H4C3: variants seen among roughly 807,000 people sequenced by gnomAD.
H4C3 encodes histone H4.
Under a neutral mutation model 5.3 loss-of-function variants are expected in H4C3, and 10 were observed. The ratio of observed to expected loss-of-function variants is 1.87; its 90% CI spans 1.16 to 3.18. The LOEUF (loss-of-function observed/expected upper bound fraction) is 3.18. Ranked by LOEUF, H4C3 falls within the 30% of genes most tolerant of loss-of-function variation. H4C3 has a pLI of 0.00. For missense variants in H4C3, 191 were observed against 152.5 expected (o/e 1.25, Z -1.33); for synonymous variants, 133 against 56.8 (o/e 2.34, Z -6.03).
rs1763197227 is a variant in H4C3, at chr6:26,104,138, A to ACGTTATTC, written c.191_192insCGTTATTC (p.Glu64AspfsTer27). On this transcript the variant is annotated frameshift_variant, in exon 1 of 1. Coordinates refer to ENST00000377803, the MANE Select transcript of H4C3 (RefSeq NM_003542.4). LOFTEE classifies it high-confidence loss of function. ...CGAGGTGTGCTTAAGGTTTTCTTAG[A>ACGTTATTC]GAACGTTATTCGAGACGCCGTCACC... 8 of 1,614,170 alleles carry ACGTTATTC rather than the reference A, an allele frequency of 5.0e-6. No homozygotes were observed. The highest frequency in any genetic ancestry group is 6.8e-6 in the Non-Finnish European group (8 of 1,180,038).
In H4C3 at chr6:26,104,000, G is replaced by C; in HGVS notation, c.53G>C (p.Arg18Pro). 1 of 1,613,994 alleles carries C rather than the reference G, an allele frequency of 6.2e-7. No individual in the cohort carries two copies. The highest frequency in any genetic ancestry group is 8.5e-7 in the Non-Finnish European group (1 of 1,179,870). Reference protein sequence around the residue: ...GKGLGKGGAKRHRKVLRDNIQ... With the variant: ...GKGLGKGGAKPHRKVLRDNIQ... ...GGCTTGGGGAAGGGTGGTGCTAAGCGCCATCGTAAGGTGCTCCGGGATAAC... is the reference window on the plus strand; with the variant it reads ...GGCTTGGGGAAGGGTGGTGCTAAGCCCCATCGTAAGGTGCTCCGGGATAAC... Residue 18 changes from arginine to proline, a missense_variant, in exon 1 of 1, where the codon CGC becomes CCC. Arg to Pro is a moderately radical substitution (Grantham distance 103). Transcript: ENST00000377803.
Position 26,104,006 on chromosome 6 carries a change from G to A in H4C3, c.59G>A (p.Arg20His). The A allele has an allele frequency of 1.2e-6, 2 of 1,614,166 alleles. No individual in the cohort carries two copies. The highest frequency in any genetic ancestry group is 2.2e-5 in the East Asian group (1 of 44,882). The change falls in exon 1 of 1, where the codon CGT becomes CAT. Residue 20 changes from arginine to histidine, a missense_variant. Physicochemically the swap from Arg to His is conservative, Grantham distance 29. Coordinates refer to ENST00000377803, the MANE Select transcript of H4C3 (RefSeq NM_003542.4). Reference sequence around the variant, plus strand: ...GGGAAGGGTGGTGCTAAGCGCCATCGTAAGGTGCTCCGGGATAACATCCAG... The same window carrying A: ...GGGAAGGGTGGTGCTAAGCGCCATCATAAGGTGCTCCGGGATAACATCCAG... The part of the protein sequence containing the change: ...GLGKGGAKRH[R>H]KVLRDNIQGI...
chr6:26,104,227 C>G lies in H4C3; in HGVS notation c.280C>G (p.Gln94Glu). ...GGATGTAGTATATGCCCTAAAACGT[C>G]AGGGGCGCACTCTGTATGGCTTCGG... ...AMDVVYALKR[Q>E]GRTLYGFGG is the part of the protein sequence containing the mutation. The change falls in exon 1 of 1, where the codon CAG (glutamine) becomes GAG (glutamate). Residue 94 changes from glutamine to glutamate, a missense_variant. Transcript: ENST00000377803. The G allele has an allele frequency of 6.2e-7, 1 of 1,607,940 alleles. No homozygotes were observed. Among genetic ancestry groups the G allele is most frequent in the Non-Finnish European group, 8.5e-7 (1 of 1,174,726 alleles).
Position 26,104,035 on chromosome 6 carries a change from A to T in H4C3, c.88A>T (p.Ile30Phe). The change falls in exon 1 of 1, where the codon ATT (isoleucine) becomes TTT (phenylalanine). Residue 30 changes from isoleucine to phenylalanine, a missense_variant. Ile to Phe is a conservative substitution (Grantham distance 21). Transcript: ENST00000377803. Reference sequence around the variant, plus strand: ...GGTGCTCCGGGATAACATCCAGGGCATTACAAAACCGGCTATTCGCCGTTT... The same window carrying T: ...GGTGCTCCGGGATAACATCCAGGGCTTTACAAAACCGGCTATTCGCCGTTT... ...RKVLRDNIQG[I>F]TKPAIRRLAR... 2 of 1,614,216 alleles carry T rather than the reference A, an allele frequency of 1.2e-6. No homozygotes were observed. Among genetic ancestry groups the T allele is most frequent in the African/African-American group, 1.3e-5 (1 of 75,060 alleles).
At position 26,104,176 on chromosome 6, in the gene H4C3, G is replaced by T. The variant is rs1297061490; in HGVS notation, c.229G>T (p.Ala77Ser). Reference sequence around the variant, plus strand: ...AGACGCCGTCACCTATACGGAGCACGCCAAGCGCAAAACTGTCACAGCCAT... The same window carrying T: ...AGACGCCGTCACCTATACGGAGCACTCCAAGCGCAAAACTGTCACAGCCAT... ...IRDAVTYTEH[A>S]KRKTVTAMDV... The change falls in exon 1 of 1, where the codon GCC becomes TCC. Residue 77 changes from alanine (A) to serine (S), a missense_variant. Transcript: ENST00000377803. 3 of 1,614,114 alleles carry T rather than the reference G, an allele frequency of 1.9e-6. No homozygotes were observed. The highest frequency in any genetic ancestry group is 2.5e-6 in the Non-Finnish European group (3 of 1,180,012).
In H4C3 at chr6:26,103,968, C is replaced by G; in HGVS notation, c.21C>G (p.Gly7=). 1 of 1,608,524 alleles carries G rather than the reference C, an allele frequency of 6.2e-7. No individual in the cohort carries two copies. The highest frequency in any genetic ancestry group is 8.5e-7 in the Non-Finnish European group (1 of 1,175,692). Residue 7 remains glycine, a synonymous_variant, in exon 1 of 1, where the codon GGC becomes GGG. Transcript: ENST00000377803. MSGRGK[G]GKGLGKGGAK... ...GAATCATGTCTGGTCGCGGCAAAGG[C>G]GGAAAAGGCTTGGGGAAGGGTGGTG... is the stretch of plus-strand genomic sequence containing the variant.
At position 26,104,163 on chromosome 6, in the gene H4C3, C is replaced by G. The variant is rs928653034; in HGVS notation, c.216C>G (p.Thr72=). 2 of 1,614,162 alleles carry G rather than the reference C, an allele frequency of 1.2e-6. No individual in the cohort carries two copies. Among genetic ancestry groups the G allele is most frequent in the Non-Finnish European group, 1.7e-6 (2 of 1,180,030 alleles). ...AGAACGTTATTCGAGACGCCGTCAC[C>G]TATACGGAGCACGCCAAGCGCAAAA... The part of the protein sequence containing the change: ...FLENVIRDAV[T]YTEHAKRKTV... The change falls in exon 1 of 1, where the codon ACC becomes ACG. Residue 72 remains threonine (T), a synonymous_variant. Coordinates refer to ENST00000377803, the MANE Select transcript of H4C3 (RefSeq NM_003542.4).
Position 26,104,195 on chromosome 6 carries a change from C to G in H4C3, c.248C>G (p.Thr83Arg), listed in dbSNP as rs200327357. Residue 83 changes from threonine (T) to arginine (R), a missense_variant, in exon 1 of 1, where the codon ACA becomes AGA. Transcript: ENST00000377803. The stretch of plus-strand genomic sequence containing the variant: ...GAGCACGCCAAGCGCAAAACTGTCA[C>G]AGCCATGGATGTAGTATATGCCCTA... ...YTEHAKRKTV[T>R]AMDVVYALKR... 3 of 1,614,160 alleles carry G rather than the reference C, an allele frequency of 1.9e-6. No individual in the cohort carries two copies. The highest frequency in any genetic ancestry group is 2.5e-6 in the Non-Finnish European group (3 of 1,180,018).
rs1362010939 is a variant in H4C3, at chr6:26,103,939, A to G, written c.-9A>G. On this transcript the variant is annotated 5_prime_UTR_variant, in exon 1 of 1. Transcript: ENST00000377803. The stretch of plus-strand genomic sequence containing the variant: ...GTTTCAGTTCATACCTTCCACTGCG[A>G]TAGGAATCATGTCTGGTCGCGGCAA... 3.8e-6 allele frequency: 6 copies of G among 1,596,040 alleles called. No homozygotes were observed. The highest frequency in any genetic ancestry group is 2.3e-5 in the East Asian group (1 of 44,384).
rs778987751 is a variant in H4C3 at position 26,104,150 on chromosome 6, G to A, written c.203G>A (p.Arg68Gln). ...AAGGTTTTCTTAGAGAACGTTATTCGAGACGCCGTCACCTATACGGAGCAC... is the reference window on the plus strand; with the variant it reads ...AAGGTTTTCTTAGAGAACGTTATTCAAGACGCCGTCACCTATACGGAGCAC... ...VLKVFLENVI[R>Q]DAVTYTEHAK... Residue 68 changes from arginine to glutamine, a missense_variant, in exon 1 of 1, where the codon CGA becomes CAA. By Grantham distance (43) the Arg-to-Gln change is conservative. Coordinates refer to ENST00000377803, the MANE Select transcript of H4C3 (RefSeq NM_003542.4). 5 of 1,614,114 alleles carry A rather than the reference G, an allele frequency of 3.1e-6. No homozygotes were observed. The highest frequency in any genetic ancestry group is 1.1e-5 in the South Asian group (1 of 91,076).
rs760318601 is a variant in H4C3, at chr6:26,104,025, C to T, written c.78C>T (p.Asn26=). ...AKRHRKVLRD[N]IQGITKPAIR... ...GCCATCGTAAGGTGCTCCGGGATAACATCCAGGGCATTACAAAACCGGCTA... is the reference window on the plus strand; with the variant it reads ...GCCATCGTAAGGTGCTCCGGGATAATATCCAGGGCATTACAAAACCGGCTA... The change falls in exon 1 of 1, where the codon AAC becomes AAT. Residue 26 remains asparagine (N), a synonymous_variant. Transcript: ENST00000377803. 13 of 1,614,026 alleles carry T rather than the reference C, an allele frequency of 8.1e-6. No homozygotes were observed. Among genetic ancestry groups the T allele is most frequent in the African/African-American group, 4.0e-5 (3 of 74,908 alleles).
At position 26,104,315 on chromosome 6, in the gene H4C3, A is replaced by G; in HGVS notation, c.*56A>G. On this transcript the variant is annotated 3_prime_UTR_variant, in exon 1 of 1. Transcript: ENST00000377803. ...CAAAAAACAAAAACAAAAAAACCCA[A>G]AGGCCCTTTTCAGGGCCGCTCACAA... The G allele has an allele frequency of 6.8e-7, 1 of 1,476,760 alleles. No individual in the cohort carries two copies. Among genetic ancestry groups the G allele is most frequent in the Non-Finnish European group, 9.1e-7 (1 of 1,098,528 alleles). 91.5% of individuals were successfully genotyped at this position (1,476,760 alleles called of 1,614,324 possible).
In H4C3 at chr6:26,104,204, A is replaced by G. The variant is rs1374684773; in HGVS notation, c.257A>G (p.Asp86Gly). The G allele has an allele frequency of 1.7e-5, 28 of 1,613,956 alleles. No homozygotes were observed. Among genetic ancestry groups the G allele is most frequent in the Non-Finnish European group, 2.4e-5 (28 of 1,179,976 alleles). Residue 86 changes from aspartate to glycine, a missense_variant, in exon 1 of 1, where the codon GAT (aspartate) becomes GGT (glycine). Physicochemically the swap from Asp to Gly is moderately conservative, Grantham distance 94. Coordinates refer to ENST00000377803, the MANE Select transcript of H4C3 (RefSeq NM_003542.4). ...HAKRKTVTAMDVVYALKRQGR... is the reference protein window; with the variant it reads ...HAKRKTVTAMGVVYALKRQGR... ...AAGCGCAAAACTGTCACAGCCATGG[A>G]TGTAGTATATGCCCTAAAACGTCAG...
At position 26,104,205 on chromosome 6, in the gene H4C3, T is replaced by C. The variant is rs1447957049; in HGVS notation, c.258T>C (p.Asp86=). 6.2e-7 allele frequency: 1 copy of C among 1,613,914 alleles called. No homozygotes were observed. The highest frequency in any genetic ancestry group is 1.3e-5 in the African/African-American group (1 of 74,874). Residue 86 remains aspartate, a synonymous_variant, in exon 1 of 1, where the codon GAT becomes GAC. Transcript: ENST00000377803. ...HAKRKTVTAM[D]VVYALKRQGR... The stretch of plus-strand genomic sequence containing the variant: ...AGCGCAAAACTGTCACAGCCATGGA[T>C]GTAGTATATGCCCTAAAACGTCAGG...
rs141888021 is a variant in H4C3, at chr6:26,104,133, C to T, written c.186C>T (p.Phe62=). The change falls in exon 1 of 1, where the codon TTC becomes TTT. Residue 62 remains phenylalanine, a synonymous_variant. Transcript: ENST00000377803. ...YEETRGVLKV[F]LENVIRDAVT... ...AGACTCGAGGTGTGCTTAAGGTTTT[C>T]TTAGAGAACGTTATTCGAGACGCCG... is the stretch of plus-strand genomic sequence containing the variant. 179 of 1,614,112 alleles carry T rather than the reference C, an allele frequency of 1.1e-4. 2 individuals carry two copies. Among genetic ancestry groups the T allele is most frequent in the African/African-American group, 2.3e-4 (17 of 75,014 alleles).
rs533320117 is a variant in H4C3, at chr6:26,104,100, C to T, written c.153C>T (p.Ile51=). The change falls in exon 1 of 1, where the codon ATC becomes ATT. Residue 51 remains isoleucine (I), a synonymous_variant. Transcript: ENST00000377803. Reference sequence around the variant, plus strand: ...GCGTCAAGCGCATTTCCGGTCTTATCTATGAGGAGACTCGAGGTGTGCTTA... The same window carrying T: ...GCGTCAAGCGCATTTCCGGTCTTATTTATGAGGAGACTCGAGGTGTGCTTA... ...RGGVKRISGL[I]YEETRGVLKV... The T allele has an allele frequency of 7.6e-5, 123 of 1,614,142 alleles. 1 individual carries two copies. In the South Asian group the frequency reaches 1.0e-3, roughly 13 times the overall value.
rs758943077 is a variant in H4C3 at position 26,104,157 on chromosome 6, C to T, written c.210C>T (p.Ala70=). 9.9e-6 allele frequency: 16 copies of T among 1,614,102 alleles called. No homozygotes were observed. The Admixed American group carries it at 1.7e-4, about 17-fold the overall frequency. The change falls in exon 1 of 1, where the codon GCC becomes GCT. Residue 70 remains alanine, a synonymous_variant. Coordinates refer to ENST00000377803, the MANE Select transcript of H4C3 (RefSeq NM_003542.4). ...KVFLENVIRD[A]VTYTEHAKRK... is the part of the protein sequence containing the mutation. ...TCTTAGAGAACGTTATTCGAGACGC[C>T]GTCACCTATACGGAGCACGCCAAGC...
In H4C3 at chr6:26,104,046, G is replaced by T. The variant is rs781503661; in HGVS notation, c.99G>T (p.Pro33=). 1 of 1,614,170 alleles carries T rather than the reference G, an allele frequency of 6.2e-7. No homozygotes were observed. Among genetic ancestry groups the T allele is most frequent in the Non-Finnish European group, 8.5e-7 (1 of 1,180,026 alleles). The change falls in exon 1 of 1, where the codon CCG becomes CCT. Residue 33 remains proline, a synonymous_variant. Transcript: ENST00000377803. The part of the protein sequence containing the change: ...LRDNIQGITK[P]AIRRLARRGG... ...ATAACATCCAGGGCATTACAAAACC[G>T]GCTATTCGCCGTTTGGCTCGGCGCG...
chr6:26,103,976 G>T lies in H4C3; in HGVS notation c.29G>T (p.Gly10Val). 6.2e-7 allele frequency: 1 copy of T among 1,611,830 alleles called. No homozygotes were observed. Among genetic ancestry groups the T allele is most frequent in the African/African-American group, 1.3e-5 (1 of 75,026 alleles). ...TCTGGTCGCGGCAAAGGCGGAAAAGGCTTGGGGAAGGGTGGTGCTAAGCGC... is the reference window on the plus strand; with the variant it reads ...TCTGGTCGCGGCAAAGGCGGAAAAGTCTTGGGGAAGGGTGGTGCTAAGCGC... MSGRGKGGK[G>V]LGKGGAKRHR... The change falls in exon 1 of 1, where the codon GGC becomes GTC. Residue 10 changes from glycine to valine, a missense_variant. Physicochemically the swap from Gly to Val is moderately radical, Grantham distance 109. Coordinates refer to ENST00000377803, the MANE Select transcript of H4C3 (RefSeq NM_003542.4).
Sources: gnomAD v4.1 joint callset for allele counts on GRCh38, gnomAD v4.1.1 for gene constraint, MANE v1.5 for transcripts, NCBI Gene and HGNC (gene_info 2026-07-23, HGNC 2026-07-21) for gene names.